The following SPATA17 variants were observed in gnomAD, a reference collection of about 807,000 sequenced individuals.
SPATA17 encodes spermatogenesis associated 17, also known as spermatogenesis-associated protein 17.
A neutral mutation model predicts 62.2 loss-of-function variants in SPATA17; 53 were observed. That is an observed-to-expected ratio of 0.85 (90% CI 0.68 to 1.07). The LOEUF is 1.07. SPATA17 is among the 50% of genes least tolerant of loss of function. The pLI is 0.00. For synonymous variants in SPATA17, 146 were observed against 146.8 expected, an observed-to-expected ratio of 0.99 and a Z score of 0.04; for missense variants, 466 against 425.5, an observed-to-expected ratio of 1.10 and a Z score of -0.84.
chr1:217,731,822 A>G lies in SPATA17; in HGVS notation c.396-10153A>G, dbSNP rs552979936. On this transcript the variant is annotated intron_variant, in intron 5 of 10. Coordinates refer to ENST00000366933, the MANE Select transcript of SPATA17 (RefSeq NM_138796.4). ...ATAAGAATGTTAACATGTATTTTAG[A>G]TATAATATTAGCATAGAATGGGAAT... 6.6e-5 allele frequency among the ~76,000 whole-genome samples: 10 copies of G among 152,304 alleles called. No individual in the cohort carries two copies. The East Asian group carries it at 1.9e-3, about 29-fold the overall frequency.
chr1:217,683,125 C>A, intron 4 of SPATA17, 133 bp from the exon 5 acceptor site: 1 of 471,232 alleles, frequency 2.1e-6, no homozygotes, highest in Non-Finnish European at 3.8e-6. Context: ...TAATATGCTA[C>A]AATATTAGTG....
chr1:217,677,060 T>C (rs1670963450), intron 4 of SPATA17, among the ~76,000 whole-genome samples: 1 of 152,082 alleles, frequency 6.6e-6, no homozygotes, highest in African/African-American at 2.4e-5. Flanking sequence ...CCAAACAATT[T>C]TGTTCAGATT....
chr1:217,863,276 C>CA (rs1675936130), intron 10 of SPATA17, among the ~76,000 whole-genome samples: 1 of 151,832 alleles, frequency 6.6e-6, no homozygotes, highest in African/African-American at 2.4e-5. Context: ...TCAGTGCCAC[C>CA]ACACCTGGCT....
chr1:217,703,056 A>C (rs1671638656), intron 5 of SPATA17, among the ~76,000 whole-genome samples: 1 of 151,706 alleles, frequency 6.6e-6, no homozygotes, highest in Non-Finnish European at 1.5e-5. Flanking sequence ...TTGTATTTTT[A>C]GTAGAAACGG....
chr1:217,668,429 G>A (rs1670752469), intron 3 of SPATA17, among the ~76,000 whole-genome samples: 1 of 152,070 alleles, frequency 6.6e-6, no homozygotes. Flanking sequence ...GCTGTAACAT[G>A]ATATCATTGT....
chr1:217,739,124 G>T (rs907098080), intron 5 of SPATA17, among the ~76,000 whole-genome samples: 2 of 152,114 alleles, frequency 1.3e-5, no homozygotes, highest in African/African-American at 4.8e-5. Context: ...AAAAGTTTCA[G>T]TAATTTTTAT....
At chr1:217,640,213 A>C (rs1156377479) in intron 1 of SPATA17, among the ~76,000 whole-genome samples, 1 of 152,012 alleles carries the variant, frequency 6.6e-6, no homozygotes, top group South Asian at 2.1e-4. Context: ...GCAGTTATTA[A>C]ATAGTCCATC....
chr1:217,831,374 A>G (rs545760703), intron 9 of SPATA17, among the ~76,000 whole-genome samples: 1 of 152,180 alleles, frequency 6.6e-6, no homozygotes, highest in South Asian at 2.1e-4. Flanking sequence ...AATATGCTCA[A>G]TATAGAACTC....
At chr1:217,745,617 A>C (rs1672730337) in intron 6 of SPATA17, among the ~76,000 whole-genome samples, 1 of 152,116 alleles carries the variant, frequency 6.6e-6, no homozygotes, top group African/African-American at 2.4e-5. Flanking sequence ...TAAATATAAT[A>C]AACATGAATC....
At chr1:217,847,412 A>G (rs1675553451) in intron 9 of SPATA17, among the ~76,000 whole-genome samples, 1 of 152,142 alleles carries the variant, frequency 6.6e-6, no homozygotes, top group Admixed American at 6.6e-5. Flanking sequence ...GCTTGTGAGG[A>G]AATTCACATT....
In SPATA17 at chr1:217,742,067, G is replaced by T. The variant is rs373882505; in HGVS notation, c.488G>T (p.Arg163Leu). The change falls in exon 6 of 11, where the codon CGA (arginine) becomes CTA (leucine). Residue 163 changes from arginine to leucine, a missense_variant. Coordinates refer to ENST00000366933, the MANE Select transcript of SPATA17 (RefSeq NM_138796.4). ...REEKKRDYQARKMHYLLSTKQ... is the reference protein window; with the variant it reads ...REEKKRDYQALKMHYLLSTKQ... ...GAGAAGAAAAGAGATTACCAAGCCC[G>T]AAAGATGCATTACCTCCTCAGCACA... 4 of 1,614,132 alleles carry T rather than the reference G, an allele frequency of 2.5e-6. No individual in the cohort carries two copies. The highest frequency in any genetic ancestry group is 3.4e-6 in the Non-Finnish European group (4 of 1,180,020).
At chr1:217,635,254 C>A (rs982543263) in intron 1 of SPATA17, among the ~76,000 whole-genome samples, 5 of 152,192 alleles carry the variant, frequency 3.3e-5, no homozygotes, top group Non-Finnish European at 7.3e-5. Flanking sequence ...GCACCCATGA[C>A]ACAGCCTTAG....
chr1:217,691,247 T>C (rs1198587425), intron 5 of SPATA17, among the ~76,000 whole-genome samples: 1 of 140,700 alleles, frequency 7.1e-6, no homozygotes, highest in African/African-American at 2.7e-5. Flanking sequence ...CCAGTGATGA[T>C]GAGCATTTCT....
At chr1:217,825,107 A>C (rs1674960704) in intron 9 of SPATA17, among the ~76,000 whole-genome samples, 1 of 151,350 alleles carries the variant, frequency 6.6e-6, no homozygotes, top group Non-Finnish European at 1.5e-5. Context: ...AAAAATTCCT[A>C]AAATATACAA....
chr1:217,717,047 T>C (rs1672020169), intron 5 of SPATA17, among the ~76,000 whole-genome samples: 1 of 152,242 alleles, frequency 6.6e-6, no homozygotes, highest in Non-Finnish European at 1.5e-5. Flanking sequence ...CTTTATGTTT[T>C]GAATTATTAC....
chr1:217,803,328 T>C (rs1005929370), intron 9 of SPATA17, among the ~76,000 whole-genome samples: 1 of 152,164 alleles, frequency 6.6e-6, no homozygotes, highest in Non-Finnish European at 1.5e-5. Flanking sequence ...ATAAAATTGT[T>C]TGCAAATGAC....
Position 217,774,521 on chromosome 1 carries a change from A to T in SPATA17, c.707A>T (p.Asn236Ile). The T allele has an allele frequency of 6.2e-7, 1 of 1,613,712 alleles. No individual in the cohort carries two copies. ...CGGTCTGAAATTCTACCACCTATTA[A>T]TAGAAAGCAATGTCAGGTACTAGTT... is the stretch of plus-strand genomic sequence containing the variant. ...FPRSEILPPI[N>I]RKQCQGPFRD... is the part of the protein sequence containing the mutation. The change falls in exon 7 of 11, where the codon AAT becomes ATT. Residue 236 changes from asparagine to isoleucine, a missense_variant. Physicochemically the swap from Asn to Ile is moderately radical, Grantham distance 149. Transcript: ENST00000366933.
At chr1:217,816,519 T>G (rs1339465475) in intron 9 of SPATA17, among the ~76,000 whole-genome samples, 1 of 151,796 alleles carries the variant, frequency 6.6e-6, no homozygotes, top group African/African-American at 2.4e-5. Flanking sequence ...TTAAAAACTT[T>G]CTGGTCATAT....
chr1:217,685,111 G>A (rs1671188801), intron 5 of SPATA17, among the ~76,000 whole-genome samples: 1 of 152,126 alleles, frequency 6.6e-6, no homozygotes, highest in Non-Finnish European at 1.5e-5. Flanking sequence ...AGTTTGCAAG[G>A]AGAAGAAATA....
Sources: allele counts gnomAD v4.1 joint callset (sites outside exome capture counted in the v4.1 genomes callset), GRCh38; gene constraint gnomAD v4.1.1; transcripts MANE v1.5; gene names NCBI Gene and HGNC (gene_info 2026-07-23, HGNC 2026-07-21).